Variants in FRMD7 observed in about 807,000 individuals in gnomAD.
FRMD7 encodes FERM domain containing 7, also known as FERM domain-containing protein 7.
Under a neutral mutation model 44.1 loss-of-function variants are expected in FRMD7, and 14 were observed. That is an observed-to-expected ratio of 0.32 (90% CI 0.21 to 0.50). The LOEUF (loss-of-function observed/expected upper bound fraction) is 0.50, where lower values mean the gene tolerates loss of function less well. FRMD7 is among the 20% of genes least tolerant of loss of function. The probability of loss-of-function intolerance (pLI) is 0.99; values close to 1 mark genes in which losing one functional copy is unlikely to be tolerated. For synonymous variants in FRMD7, 212 were observed against 187.4 expected (o/e 1.13, Z -1.07); for missense variants, 501 against 522.3 (o/e 0.96, Z 0.40).
At chrX:132,095,859 G>T (rs1187148261) in intron 4 of FRMD7, among the ~76,000 whole-genome samples, 1 of 112,324 alleles carries the variant, frequency 8.9e-6, no homozygotes, top group African/African-American at 3.2e-5. Context: ...AGTTGCTAAA[G>T]GAAAGGTGAA....
At chrX:132,095,973 C>A (rs1928319566) in intron 4 of FRMD7, among the ~76,000 whole-genome samples, 2 of 112,285 alleles carry the variant, frequency 1.8e-5, no homozygotes, top group Admixed American at 9.4e-5. Flanking sequence ...AATCCTTGCT[C>A]TGAACAGCTG....
intron 5 of FRMD7, among the ~76,000 whole-genome samples, chrX:132,089,791 T>C (rs939509842): frequency 2.7e-5 from 3 of 112,187 alleles, no homozygotes; most frequent in Non-Finnish European, 5.6e-5. Context: ...AGATACTTTA[T>C]ACCCATTAGA....
intron 1 of FRMD7, among the ~76,000 whole-genome samples, chrX:132,116,817 C>G (rs754862607): frequency 9.0e-6 from 1 of 111,727 alleles, no homozygotes; most frequent in African/African-American, 3.3e-5. Context: ...TATCCCAGAA[C>G]TTAAAATAAA....
At chrX:132,126,980 A>G (rs1441514345) in intron 1 of FRMD7, among the ~76,000 whole-genome samples, 3 of 112,815 alleles carry the variant, frequency 2.7e-5, no homozygotes, top group South Asian at 3.6e-4. Flanking sequence ...AAAGAAAAAA[A>G]CCAACATTTT....
chrX:132,125,617 A>T (rs919871765), intron 1 of FRMD7, among the ~76,000 whole-genome samples: 6 of 111,950 alleles, frequency 5.4e-5, no homozygotes, highest in African/African-American at 1.9e-4. Context: ...GAAAAGATTC[A>T]CACCATTGTC....
At chrX:132,087,526 C>CATTG (rs2124227496) in intron 5 of FRMD7, among the ~76,000 whole-genome samples, 1 of 111,547 alleles carries the variant, frequency 9.0e-6, no homozygotes, top group East Asian at 2.8e-4. Context: ...AGAAATGGCT[C>CATTG]ATTGATTAAT....
intron 11 of FRMD7, 142 bp downstream of exon 11, chrX:132,079,864 C>CT (rs1195101811): frequency 2.8e-5 from 15 of 528,001 alleles, no homozygotes; most frequent in Non-Finnish European, 5.1e-5. Flanking sequence ...ACTGAGCTGA[C>CT]AGACCTCCCC....
chrX:132,085,463 C>A, intron 7 of FRMD7, 118 bp downstream of exon 7: 1 of 615,025 alleles, frequency 1.6e-6, no homozygotes. Context: ...GACCATTTCC[C>A]TTTCTGGCTG....
At position 132,080,388 on chromosome X, in the gene FRMD7, T is replaced by C. The variant is rs1488736089; in HGVS notation, c.906-122A>G. On this transcript the variant is annotated intron_variant, in intron 9 of 11. Coordinates refer to ENST00000298542, the MANE Select transcript of FRMD7 (RefSeq NM_194277.3). The stretch of plus-strand genomic sequence containing the variant: ...GATGAATGACATATGTCATGAATCT[T>C]TGACCATCACAATGATAATACCCAC... 1.1e-5 allele frequency: 6 copies of C among 528,774 alleles called. No individual in the cohort carries two copies. In the Admixed American group the frequency reaches 1.7e-4, roughly 15 times the overall value. 43.6% of individuals were successfully genotyped at this position (528,774 alleles called of 1,213,427 possible). A position where few individuals can be genotyped will look rare whatever the true frequency, so the allele number is the denominator to read the frequency against.
At chrX:132,120,899 C>T (rs1929017714) in intron 1 of FRMD7, among the ~76,000 whole-genome samples, 2 of 112,346 alleles carry the variant, frequency 1.8e-5, no homozygotes, top group Non-Finnish European at 3.8e-5. Context: ...CAGTATGGGT[C>T]CCCTGCAATG....
intron 1 of FRMD7, among the ~76,000 whole-genome samples, chrX:132,106,934 A>G (rs915900969): frequency 4.5e-5 from 5 of 111,851 alleles, no homozygotes; most frequent in African/African-American, 1.6e-4. Flanking sequence ...TGGGCTTAAT[A>G]GCTGGGTGAT....
intron 3 of FRMD7, among the ~76,000 whole-genome samples, chrX:132,098,658 C>A (rs888522647): frequency 6.9e-5 from 7 of 101,194 alleles, no homozygotes; most frequent in African/African-American, 2.6e-4. Flanking sequence ...GATAGAAATC[C>A]GCCTGCCTCA....
chrX:132,119,335 A>G (rs1052080911), intron 1 of FRMD7, among the ~76,000 whole-genome samples: 1 of 112,785 alleles, frequency 8.9e-6, no homozygotes, highest in African/African-American at 3.2e-5. Flanking sequence ...AAGGCAATTG[A>G]CAGTAACTTT....
chrX:132,086,965 T>C (rs1286046176), intron 5 of FRMD7, among the ~76,000 whole-genome samples: 1 of 112,408 alleles, frequency 8.9e-6, no homozygotes, highest in Non-Finnish European at 1.9e-5. Flanking sequence ...CTTTTCCAAA[T>C]AGCTAGCAGT....
At chrX:132,091,548 G>C (rs1458894517) in intron 5 of FRMD7, among the ~76,000 whole-genome samples, 4 of 111,011 alleles carry the variant, frequency 3.6e-5, no homozygotes, top group African/African-American at 1.3e-4. Context: ...TGCTGGCTGG[G>C]CACTGTGGCT....
intron 1 of FRMD7, among the ~76,000 whole-genome samples, chrX:132,114,813 C>A (rs1357234843): frequency 8.0e-5 from 9 of 112,382 alleles, no homozygotes; most frequent in Non-Finnish European, 1.7e-4. Context: ...GACTTGGCTT[C>A]TTGCCAAGCT....
intron 2 of FRMD7, 105 bp downstream of exon 2, chrX:132,100,507 A>G: frequency 1.7e-6 from 1 of 582,887 alleles, no homozygotes; most frequent in Non-Finnish European, 3.0e-6. Context: ...GGGTGCACAT[A>G]GTTTTTCATT....
chrX:132,108,291 G>A (rs767002793), intron 1 of FRMD7, among the ~76,000 whole-genome samples: 1 of 111,800 alleles, frequency 8.9e-6, no homozygotes, highest in South Asian at 3.8e-4. Context: ...TCTTTTGGAG[G>A]TGATGAAAAT....
At chrX:132,116,591 C>T (rs1306912496) in intron 1 of FRMD7, among the ~76,000 whole-genome samples, 6 of 111,814 alleles carry the variant, frequency 5.4e-5, no homozygotes, top group Admixed American at 3.8e-4. Flanking sequence ...CGCATGTTCT[C>T]ACTCATAAGT....
Sources: allele counts gnomAD v4.1 joint callset (sites outside exome capture counted in the v4.1 genomes callset), GRCh38; gene constraint gnomAD v4.1.1; transcripts MANE v1.5; gene names NCBI Gene and HGNC (gene_info 2026-07-23, HGNC 2026-07-21).